MORN2: variants seen among roughly 807,000 people sequenced by gnomAD.
MORN2 encodes the protein MORN repeat containing 2.
Under a neutral mutation model 13.4 loss-of-function variants are expected in MORN2, and 15 were observed. That is an observed-to-expected ratio of 1.12 (90% CI 0.75 to 1.72). The LOEUF (loss-of-function observed/expected upper bound fraction) is 1.72, where lower values mean the gene tolerates loss of function less well. Ranked by LOEUF, MORN2 falls within the 40% of genes most tolerant of loss-of-function variation. MORN2 has a pLI of 0.00. For missense variants in MORN2, 168 were observed against 134.6 expected (o/e 1.25, Z -1.23); for synonymous variants, 46 against 43.6 (o/e 1.06, Z -0.22).
chr2:38,879,759 T>C (rs534551089), intron 1 of MORN2, among the ~76,000 whole-genome samples: 2 of 152,284 alleles, frequency 1.3e-5, no homozygotes, highest in Non-Finnish European at 2.9e-5. Flanking sequence ...CTGAATATAC[T>C]AAAAAAATCA....
chr2:38,878,921 A>C (rs1027311179), intron 1 of MORN2, among the ~76,000 whole-genome samples: 1 of 152,182 alleles, frequency 6.6e-6, no homozygotes, highest in African/African-American at 2.4e-5. Flanking sequence ...GGGTAGAGAG[A>C]AGAAACTTAG....
In MORN2 at chr2:38,876,360, G is replaced by A. The variant is rs1283157254; in HGVS notation, c.58+250G>A. The A allele has an allele frequency of 7.8e-6, 3 of 386,016 alleles. No individual in the cohort carries two copies. The East Asian group carries it at 1.1e-4, about 14-fold the overall frequency. 23.9% of individuals were successfully genotyped at this position (386,016 alleles called of 1,614,324 possible). On this transcript the variant is annotated intron_variant, in intron 1 of 4. Transcript: ENST00000644631. ...GCCTCAGTTTCCGCTATGGTGCCGGGTGGTCTCTGTGAGGTTCCCTCTAGC... is the reference window on the plus strand; with the variant it reads ...GCCTCAGTTTCCGCTATGGTGCCGGATGGTCTCTGTGAGGTTCCCTCTAGC...
In MORN2 at chr2:38,882,479, A is replaced by T; in HGVS notation, c.420A>T (p.Thr140=). 1 of 1,550,850 alleles carries T rather than the reference A, an allele frequency of 6.4e-7. No homozygotes were observed. The highest frequency in any genetic ancestry group is 8.7e-7 in the Non-Finnish European group (1 of 1,146,458). The change falls in exon 5 of 5, where the codon ACA becomes ACT. Residue 140 remains threonine (T), a synonymous_variant. Transcript: ENST00000644631. The stretch of plus-strand genomic sequence containing the variant: ...AATGGAGTGGTAACTTTCATTTTAC[A>T]GCTGCTCCAGACCTGAAATTAAAGC...
chr2:38,879,420 G>A (rs2373466), intron 1 of MORN2, among the ~76,000 whole-genome samples: 136,735 of 152,186 alleles, frequency 0.9, 63,300 homozygotes, highest in Non-Finnish European at 1. Context: ...AAAATATGCT[G>A]TTTCTGTACA....
chr2:38,881,622 A>T, intron 4 of MORN2, 44 bp downstream of exon 4: 1 of 1,360,444 alleles, frequency 7.4e-7, no homozygotes, highest in Non-Finnish European at 9.9e-7. Flanking sequence ...CTAAAAGATT[A>T]TTTTCTGGTA....
chr2:38,879,990 T>C (rs1261504087), intron 1 of MORN2, among the ~76,000 whole-genome samples, 189 bp from the exon 2 acceptor site: 1 of 152,226 alleles, frequency 6.6e-6, no homozygotes, highest in Non-Finnish European at 1.5e-5. Context: ...ATAGGTCTTA[T>C]GACATAAGAA....
chr2:38,882,660 C>A lies in MORN2; in HGVS notation c.*145C>A. Reference sequence around the variant, plus strand: ...CATCACCTGCTTACACCTTTTTGAACTTTATATTCATTGTCTTACAATTAG... The same window carrying A: ...CATCACCTGCTTACACCTTTTTGAAATTTATATTCATTGTCTTACAATTAG... On this transcript the variant is annotated 3_prime_UTR_variant, in exon 5 of 5. Transcript: ENST00000644631. The A allele has an allele frequency of 2.0e-6, 1 of 503,568 alleles. No individual in the cohort carries two copies. The highest frequency in any genetic ancestry group is 3.5e-6 in the Non-Finnish European group (1 of 283,202). 31.2% of individuals were successfully genotyped at this position (503,568 alleles called of 1,614,324 possible). A position where few individuals can be genotyped will look rare whatever the true frequency, so the allele number is the denominator to read the frequency against.
chr2:38,878,617 T>C (rs1277248957), intron 1 of MORN2, among the ~76,000 whole-genome samples: 1 of 152,224 alleles, frequency 6.6e-6, no homozygotes, highest in Non-Finnish European at 1.5e-5. Flanking sequence ...TTCACTAATT[T>C]GTTTTCAATT....
chr2:38,877,553 A>G (rs572028443), intron 1 of MORN2, among the ~76,000 whole-genome samples: 78 of 152,162 alleles, frequency 5.1e-4, no homozygotes, highest in African/African-American at 1.8e-3. Context: ...CCTAAACGAG[A>G]TCAGAATTCT....
intron 2 of MORN2, 59 bp from the exon 3 acceptor site, chr2:38,880,541 G>A (rs1175224631): frequency 1.4e-5 from 16 of 1,149,964 alleles, no homozygotes; most frequent in East Asian, 2.8e-5. Context: ...GTGTAGTTGC[G>A]ATTAGGCCCA....
intron 2 of MORN2, 124 bp downstream of exon 2, chr2:38,880,353 G>C (rs1160928621): frequency 2.5e-6 from 1 of 398,462 alleles, no homozygotes; most frequent in Non-Finnish European, 4.4e-6. Flanking sequence ...TAAAATAACA[G>C]AAATCCTAAT....
intron 3 of MORN2, among the ~76,000 whole-genome samples, chr2:38,880,998 C>G (rs1431357171): frequency 2.0e-5 from 3 of 152,302 alleles, no homozygotes; most frequent in African/African-American, 7.2e-5. Flanking sequence ...CATTAATACT[C>G]TATTTTACAA....
intron 1 of MORN2, among the ~76,000 whole-genome samples, chr2:38,878,810 C>T (rs1300238946): frequency 6.6e-6 from 1 of 152,158 alleles, no homozygotes; most frequent in African/African-American, 2.4e-5. Context: ...TGTGTTAACT[C>T]TGTTTCCTCA....
intron 1 of MORN2, among the ~76,000 whole-genome samples, chr2:38,878,029 C>T (rs756802210): frequency 1.3e-5 from 2 of 152,146 alleles, no homozygotes; most frequent in African/African-American, 4.8e-5. Context: ...CTCCTAGGCT[C>T]AAGCAACCCA....
chr2:38,880,525 C>A, intron 2 of MORN2, 75 bp from the exon 3 acceptor site: 1 of 887,648 alleles, frequency 1.1e-6, no homozygotes, highest in Non-Finnish European at 1.6e-6. Context: ...CAAAGAAACC[C>A]ATGAGGTGTA....
At chr2:38,882,223 T>G (rs79736100) in intron 4 of MORN2, among the ~76,000 whole-genome samples, 190 bp from the exon 5 acceptor site, 1 of 150,428 alleles carries the variant, frequency 6.6e-6, no homozygotes, top group African/African-American at 2.4e-5. Context: ...GTATGTGGTT[T>G]TTTTTTTTTT....
intron 1 of MORN2, among the ~76,000 whole-genome samples, chr2:38,878,928 T>C (rs374507629): frequency 1.2e-4 from 18 of 152,300 alleles, no homozygotes; most frequent in African/African-American, 4.3e-4. Context: ...GAGAAGAAAC[T>C]TAGAAGCATC....
intron 1 of MORN2, 142 bp downstream of exon 1, chr2:38,876,252 G>A: frequency 5.0e-6 from 2 of 396,354 alleles, no homozygotes; most frequent in Non-Finnish European, 8.9e-6. Context: ...GGGGCACGGG[G>A]GAACCCCTGG....
At chr2:38,877,519 GTTAA>G (rs973776463) in intron 1 of MORN2, among the ~76,000 whole-genome samples, 3 of 151,990 alleles carry the variant, frequency 2.0e-5, no homozygotes, top group Non-Finnish European at 1.5e-5. Flanking sequence ...AAGATTTAGT[GTTAA>G]TTAGTGTCTA....
Sources: allele counts gnomAD v4.1 joint callset (sites outside exome capture counted in the v4.1 genomes callset), GRCh38; gene constraint gnomAD v4.1.1; transcripts MANE v1.5; gene names NCBI Gene and HGNC (gene_info 2026-07-23, HGNC 2026-07-21).